Variants in HAPSTR1 observed in about 807,000 individuals in gnomAD.
HAPSTR1 encodes the protein HUWE1 associated protein modifying stress responses, also known as HUWE1-associated protein modifying stress responses 1.
At chr16:9,111,852 T>C in the HAPSTR1 span, 1 of 152,264 alleles carries the variant, frequency 6.6e-6, no homozygotes, top group Non-Finnish European at 1.5e-5. Flanking sequence ...CTAGTCTTTT[T>C]TTCAATGTAT....
the HAPSTR1 span, among the ~76,000 whole-genome samples, chr16:9,096,039 T>C: frequency 6.6e-6 from 1 of 152,200 alleles, no homozygotes; most frequent in Non-Finnish European, 1.5e-5. Flanking sequence ...CCAGTGTCAT[T>C]GTGAGTTGGA....
chr16:9,101,250 A>G, the HAPSTR1 span, among the ~76,000 whole-genome samples: 2 of 152,196 alleles, frequency 1.3e-5, no homozygotes, highest in Non-Finnish European at 2.9e-5. Context: ...AAGAGATGGG[A>G]AAAGTGGTGA....
At chr16:9,101,145 T>C in the HAPSTR1 span, among the ~76,000 whole-genome samples, 1 of 152,226 alleles carries the variant, frequency 6.6e-6, no homozygotes, top group African/African-American at 2.4e-5. Context: ...TGCCTCCAGC[T>C]CTTTCAGAAT....
chr16:9,108,382 C>A, the HAPSTR1 span: 1 of 152,000 alleles, frequency 6.6e-6, no homozygotes, highest in Non-Finnish European at 1.5e-5. Context: ...GTTGGAGTTT[C>A]GCCATGTTGT....
the HAPSTR1 span, among the ~76,000 whole-genome samples, chr16:9,102,496 T>A: frequency 6.6e-6 from 1 of 152,162 alleles, no homozygotes. Flanking sequence ...TGCTATTTGG[T>A]TTTAGTGTTG....
chr16:9,097,455 C>T, the HAPSTR1 span, among the ~76,000 whole-genome samples: 2 of 152,054 alleles, frequency 1.3e-5, no homozygotes, highest in African/African-American at 2.4e-5. Context: ...GTTGCCCAGG[C>T]TGGTCTCCTG....
the HAPSTR1 span, chr16:9,109,979 T>A: frequency 6.6e-6 from 1 of 152,006 alleles, no homozygotes; most frequent in Non-Finnish European, 1.5e-5. Context: ...CAAGCACTGT[T>A]TATTAGAGGT....
chr16:9,111,258 C>T, the HAPSTR1 span: 1 of 152,218 alleles, frequency 6.6e-6, no homozygotes, highest in African/African-American at 2.4e-5. Context: ...CTTGAAGTAA[C>T]AGAACTGTTG....
At chr16:9,110,657 T>TTCTAC in the HAPSTR1 span, 1 of 152,266 alleles carries the variant, frequency 6.6e-6, no homozygotes, top group African/African-American at 2.4e-5. Flanking sequence ...GGTGTCACTC[T>TTCTAC]TCTACCTCTT....
At chr16:9,115,683 C>T in the HAPSTR1 span, among the ~76,000 whole-genome samples, 6 of 152,082 alleles carry the variant, frequency 3.9e-5, no homozygotes, top group South Asian at 2.1e-4. Flanking sequence ...AGTGCAGTCT[C>T]GGTTCTTTGC....
the HAPSTR1 span, chr16:9,111,038 CAAAA>C: frequency 1.1e-5 from 1 of 87,380 alleles, no homozygotes; most frequent in African/African-American, 8.4e-5. Flanking sequence ...AACTCAGTCT[CAAAA>C]AACAAAACAA....
the HAPSTR1 span, chr16:9,118,948 C>T: frequency 1.3e-5 from 2 of 152,588 alleles, no homozygotes; most frequent in Admixed American, 1.3e-4. Context: ...AATCTCAGTA[C>T]CCTTTACTCT....
At chr16:9,113,567 TG>T in the HAPSTR1 span, among the ~76,000 whole-genome samples, 30 of 152,134 alleles carry the variant, frequency 2.0e-4, no homozygotes, top group Non-Finnish European at 2.8e-4. Context: ...GGCATTAGGG[TG>T]GGGTTTGTTG....
At chr16:9,105,453 G>A in the HAPSTR1 span, 1 of 152,170 alleles carries the variant, frequency 6.6e-6, no homozygotes, top group Non-Finnish European at 1.5e-5. Context: ...TGCTGTACTG[G>A]TTTGTGAGAA....
At chr16:9,118,324 G>A in the HAPSTR1 span, 3 of 152,716 alleles carry the variant, frequency 2.0e-5, no homozygotes, top group Middle Eastern at 3.4e-3. Context: ...TTGCAAATCA[G>A]TGTAAGGGTT....
chr16:9,102,718 A>AATC, the HAPSTR1 span, among the ~76,000 whole-genome samples: 1 of 152,164 alleles, frequency 6.6e-6, no homozygotes, highest in Non-Finnish European at 1.5e-5. Flanking sequence ...AAAGATACCT[A>AATC]ATCTCTCTGT....
chr16:9,117,709 G>T, the HAPSTR1 span: 5 of 152,426 alleles, frequency 3.3e-5, no homozygotes, highest in Non-Finnish European at 7.3e-5. Context: ...GACTGCATTC[G>T]AGGTGACCTA....
the HAPSTR1 span, among the ~76,000 whole-genome samples, chr16:9,101,897 C>T: frequency 3.3e-5 from 5 of 152,024 alleles, no homozygotes; most frequent in Non-Finnish European, 5.9e-5. Context: ...CTGAGGCAGG[C>T]GGATCACAAG....
chr16:9,098,567 G>C, the HAPSTR1 span, among the ~76,000 whole-genome samples: 3 of 152,104 alleles, frequency 2.0e-5, no homozygotes, highest in African/African-American at 4.8e-5. Context: ...CTGTAGTCCA[G>C]CACTTGAGGC....
Sources: allele counts gnomAD v4.1 joint callset (sites outside exome capture counted in the v4.1 genomes callset), GRCh38; gene constraint gnomAD v4.1.1; transcripts MANE v1.5; gene names NCBI Gene and HGNC (gene_info 2026-07-23, HGNC 2026-07-21).